ANK1: variants seen among roughly 807,000 people sequenced by gnomAD.
ANK1 encodes the protein ankyrin 1.
Under a neutral mutation model 210.4 loss-of-function variants are expected in ANK1, and 51 were observed. The ratio of observed to expected loss-of-function variants is 0.24; its 90% CI spans 0.19 to 0.31. The LOEUF (loss-of-function observed/expected upper bound fraction) is 0.31, where lower values mean the gene tolerates loss of function less well. Among genes scored for constraint, ANK1 ranks in the 10% least tolerant of loss-of-function variants. The pLI, the probability that ANK1 is intolerant of heterozygous loss-of-function variation, is 1.00. For synonymous variants in ANK1, 967 were observed against 1,025.9 expected (o/e 0.94, Z 1.10); for missense variants, 2,051 against 2,504.4 (o/e 0.82, Z 3.86).
intron 1 of ANK1, among the ~76,000 whole-genome samples, chr8:41,805,520 T>A (rs1850835609): frequency 6.6e-6 from 1 of 152,098 alleles, no homozygotes; most frequent in Non-Finnish European, 1.5e-5. Context: ...GTACTAAGAT[T>A]ACAAGCATGA....
In ANK1 at chr8:41,686,136, G is replaced by C. The variant is rs765998329; in HGVS notation, c.4390+16C>G. ...GGAGGTCCTAGGACAGGCTTCCTCA[G>C]TGGGACGGTACTGACTGTTTGCGTT... is the stretch of plus-strand genomic sequence containing the variant. On this transcript the variant is annotated intron_variant, in intron 36 of 42. Transcript: ENST00000289734. 4 of 1,614,120 alleles carry C rather than the reference G, an allele frequency of 2.5e-6. No individual in the cohort carries two copies. In the East Asian group the frequency reaches 8.9e-5, roughly 36 times the overall value.
At chr8:41,727,384 C>T (rs562743675) in intron 4 of ANK1, 36 bp from the exon 5 acceptor site, 12 of 1,511,040 alleles carry the variant, frequency 7.9e-6, no homozygotes, top group African/African-American at 2.7e-5. Flanking sequence ...AGCATCCACC[C>T]GCAATTTAAG....
intron 2 of ANK1, among the ~76,000 whole-genome samples, chr8:41,738,036 G>GA (rs1302213912): frequency 1.3e-5 from 2 of 152,114 alleles, no homozygotes; most frequent in Admixed American, 6.5e-5. Flanking sequence ...AAAATCATGT[G>GA]AAAAAAGCCC....
intron 20 of ANK1, among the ~76,000 whole-genome samples, chr8:41,703,445 T>TAC (rs1563492064): frequency 1.6e-4 from 11 of 69,816 alleles, no homozygotes; most frequent in Non-Finnish European, 2.8e-4. Context: ...TATATATATA[T>TAC]ATATATTTTT....
intron 1 of ANK1, among the ~76,000 whole-genome samples, chr8:41,873,118 T>A (rs1815875462): frequency 6.6e-6 from 1 of 152,228 alleles, no homozygotes; most frequent in African/African-American, 2.4e-5. Context: ...GTTTATTTTC[T>A]TTGCAAAAAA....
chr8:41,802,859 G>A (rs1285027477), intron 1 of ANK1, among the ~76,000 whole-genome samples: 7 of 145,062 alleles, frequency 4.8e-5, no homozygotes, highest in Non-Finnish European at 6.0e-5. Flanking sequence ...GCCGCAGTGA[G>A]CGATGATCAT....
At chr8:41,711,166 C>T (rs1826011514) in intron 16 of ANK1, among the ~76,000 whole-genome samples, 1 of 152,192 alleles carries the variant, frequency 6.6e-6, no homozygotes, top group African/African-American at 2.4e-5. Flanking sequence ...TGCCGCAGAT[C>T]CAGCCTGAGA....
intron 1 of ANK1, among the ~76,000 whole-genome samples, chr8:41,776,596 C>T (rs542383432): frequency 1.2e-4 from 19 of 152,222 alleles, no homozygotes; most frequent in African/African-American, 4.3e-4. Flanking sequence ...GCCCAGGGGA[C>T]CCTCTGCTGT....
At chr8:41,854,861 G>A (rs1297783535) in intron 1 of ANK1, among the ~76,000 whole-genome samples, 1 of 151,704 alleles carries the variant, frequency 6.6e-6, no homozygotes, top group African/African-American at 2.4e-5. Flanking sequence ...GAGGTGGGAG[G>A]ATTGCTTGAG....
Position 41,699,548 on chromosome 8 carries a change from C to T in ANK1, c.2462G>A (p.Gly821Glu), listed in dbSNP as rs200790180. The change falls in exon 23 of 43, where the codon GGG becomes GAG. Residue 821 changes from glycine to glutamate, a missense_variant and splice_region_variant. Gly to Glu is a moderately conservative substitution (Grantham distance 98). This residue lies in a region of ANK1 where 1,413 missense variants were observed against 1,707.4 expected (regional missense o/e 0.83). Transcript: ENST00000289734. ...AGCCTTGAAGCTGATGAGTTCTTCCCCTGAAACAGCAAGAGCTCAAGTGAG... is the reference window on the plus strand; with the variant it reads ...AGCCTTGAAGCTGATGAGTTCTTCCTCTGAAACAGCAAGAGCTCAAGTGAG... The part of the protein sequence containing the change: ...DEILDVSEDE[G>E]EELISFKAER... 1.9e-6 allele frequency: 3 copies of T among 1,613,978 alleles called. No homozygotes were observed. The highest frequency in any genetic ancestry group is 2.5e-6 in the Non-Finnish European group (3 of 1,179,890).
chr8:41,738,233 T>C (rs1262299782), intron 2 of ANK1, among the ~76,000 whole-genome samples: 1 of 152,126 alleles, frequency 6.6e-6, no homozygotes, highest in East Asian at 1.9e-4. Flanking sequence ...AGCTAAAATA[T>C]GCTCCCAGCT....
At position 41,668,332 on chromosome 8, in the gene ANK1, G is replaced by C; in HGVS notation, c.5329C>G (p.Arg1777Gly). The change falls in exon 39 of 43, where the codon CGG becomes GGG. Residue 1777 changes from arginine to glycine, a missense_variant. By Grantham distance (125) the Arg-to-Gly change is moderately radical (BLOSUM62 -2). Around this residue, in one of 6 missense-constraint regions of ANK1, gnomAD observed 496 missense variants for 533.4 expected, o/e 0.93. Coordinates refer to ENST00000289734, the MANE Select transcript of ANK1 (RefSeq NM_000037.4). ...TGCTCTTCTTGGCCTTGCTGCCTCC[G>C]GTCCCTGTCGGCCTGGGAGCTCTCA... ...EAESSQADRD[R>G]RQQGQEEQVQ... 1.2e-6 allele frequency: 2 copies of C among 1,614,194 alleles called. No homozygotes were observed. Among genetic ancestry groups the C allele is most frequent in the South Asian group, 2.2e-5 (2 of 91,080 alleles).
chr8:41,859,528 G>C (rs899605019), intron 1 of ANK1, among the ~76,000 whole-genome samples: 1 of 152,156 alleles, frequency 6.6e-6, no homozygotes, highest in African/African-American at 2.4e-5. Context: ...TGTATTTTTA[G>C]TAGAGATGGG....
chr8:41,865,919 T>A (rs189407981), intron 1 of ANK1, among the ~76,000 whole-genome samples: 79 of 152,262 alleles, frequency 5.2e-4, no homozygotes, highest in African/African-American at 1.8e-3. Flanking sequence ...CTCTCCAAGG[T>A]ATGAATGTGA....
At chr8:41,846,273 G>A (rs1002348931) in intron 1 of ANK1, among the ~76,000 whole-genome samples, 2 of 152,242 alleles carry the variant, frequency 1.3e-5, no homozygotes, top group Non-Finnish European at 2.9e-5. Flanking sequence ...AAAGCCCAGA[G>A]CTCTCTCCAG....
rs188145822 is a variant in ANK1 at position 41,726,321 on chromosome 8, A to G, written c.427-375T>C. 3.3e-5 allele frequency among the ~76,000 whole-genome samples: 5 copies of G among 152,256 alleles called. No homozygotes were observed. In the East Asian group the frequency reaches 9.7e-4, roughly 29 times the overall value. On this transcript the variant is annotated intron_variant, in intron 5 of 42. Transcript: ENST00000289734. ...GGATAGTGCCTTGACAAGGCAGAACATTACTAACACCGACCAAAGGCCAGA... is the reference window on the plus strand; with the variant it reads ...GGATAGTGCCTTGACAAGGCAGAACGTTACTAACACCGACCAAAGGCCAGA...
chr8:41,728,053 C>T lies in ANK1; in HGVS notation c.229-47G>A, dbSNP rs1872877. 982,104 of 1,591,594 alleles carry T rather than the reference C, an allele frequency of 0.62. 306,240 individuals are homozygous for T. The highest frequency in any genetic ancestry group is 0.67 in the Middle Eastern group (3,843 of 5,778). ...AACAGAGGCGGTTTCCCACTGGGCC[C>T]GCTACGGGACCAGCAAAGGTCTGTG... On this transcript the variant is annotated intron_variant, in intron 3 of 42. Coordinates refer to ENST00000289734, the MANE Select transcript of ANK1 (RefSeq NM_000037.4).
At chr8:41,729,739 C>G (rs924539843) in intron 3 of ANK1, among the ~76,000 whole-genome samples, 2 of 152,246 alleles carry the variant, frequency 1.3e-5, no homozygotes, top group Admixed American at 1.3e-4. Context: ...GGACCAGCAG[C>G]CTCCATCTGT....
intron 16 of ANK1, among the ~76,000 whole-genome samples, chr8:41,711,269 A>G (rs145114718): frequency 2.6e-5 from 4 of 152,314 alleles, no homozygotes; most frequent in African/African-American, 9.6e-5. Context: ...CACTATGTAA[A>G]TGAAAAATAA....
Sources: allele counts gnomAD v4.1 joint callset (sites outside exome capture counted in the v4.1 genomes callset), GRCh38; gene constraint gnomAD v4.1.1; regional missense constraint gnomAD v4.1.1; transcripts MANE v1.5; gene names NCBI Gene and HGNC (gene_info 2026-07-23, HGNC 2026-07-21).